The following ATE1 variants were observed in gnomAD, a reference collection of about 807,000 sequenced individuals.
ATE1 encodes the protein arginyl-tRNA--protein transferase 1.
In ATE1, 36 loss-of-function variants were observed where a neutral mutation model predicts 70.5. That is an observed-to-expected ratio of 0.51 (90% CI 0.39 to 0.67). The LOEUF (loss-of-function observed/expected upper bound fraction) is 0.67, where lower values mean the gene tolerates loss of function less well. Ranked by LOEUF, ATE1 falls within the 30% of genes least tolerant of loss-of-function variation. ATE1 has a pLI of 0.00. For missense variants in ATE1, 593 were observed against 629.5 expected (o/e 0.94, Z 0.62); for synonymous variants, 232 against 219.3 (o/e 1.06, Z -0.51).
intron 10 of ATE1, among the ~76,000 whole-genome samples, chr10:121,813,271 A>G (rs1947399260): frequency 6.6e-6 from 1 of 152,138 alleles, no homozygotes; most frequent in Non-Finnish European, 1.5e-5. Flanking sequence ...AAAGATCAAA[A>G]TCTATTCTGA....
chr10:121,872,419 A>T (rs1288532030), intron 7 of ATE1, among the ~76,000 whole-genome samples: 1 of 152,186 alleles, frequency 6.6e-6, no homozygotes, highest in Non-Finnish European at 1.5e-5. Context: ...CAGAATAACA[A>T]ATCACAAGAC....
chr10:121,910,599 C>T (rs1951382429), intron 5 of ATE1, among the ~76,000 whole-genome samples: 1 of 152,160 alleles, frequency 6.6e-6, no homozygotes. Context: ...ATGTTTATCA[C>T]TCCTTTTCAC....
At chr10:121,907,769 GAA>G (rs539648983) in intron 5 of ATE1, among the ~76,000 whole-genome samples, 2 of 138,428 alleles carry the variant, frequency 1.4e-5, no homozygotes, top group African/African-American at 2.6e-5. Context: ...ACTCCGTCTC[GAA>G]AAAAAAAAAA....
intron 3 of ATE1, among the ~76,000 whole-genome samples, chr10:121,914,452 A>G (rs964432588): frequency 6.6e-6 from 1 of 151,930 alleles, no homozygotes; most frequent in Non-Finnish European, 1.5e-5. Flanking sequence ...GAAAACAGAT[A>G]TACAAAGCAA....
intron 7 of ATE1, among the ~76,000 whole-genome samples, chr10:121,870,452 C>A (rs1049030307): frequency 1.3e-5 from 2 of 151,710 alleles, no homozygotes; most frequent in African/African-American, 4.8e-5. Flanking sequence ...ATGAGGAGAC[C>A]AACAAAAGGG....
intron 5 of ATE1, among the ~76,000 whole-genome samples, chr10:121,907,998 A>C (rs1951269620): frequency 6.6e-6 from 1 of 152,076 alleles, no homozygotes; most frequent in Non-Finnish European, 1.5e-5. Flanking sequence ...CAGGAGCATA[A>C]TATCATGCCA....
intron 4 of ATE1, among the ~76,000 whole-genome samples, chr10:121,911,891 C>T (rs1380142999): frequency 6.6e-6 from 1 of 152,118 alleles, no homozygotes; most frequent in African/African-American, 2.4e-5. Flanking sequence ...GGACCACAGG[C>T]GCCCACCACC....
chr10:121,884,991 T>C (rs1160090285), intron 7 of ATE1, among the ~76,000 whole-genome samples: 1 of 152,162 alleles, frequency 6.6e-6, no homozygotes, highest in African/African-American at 2.4e-5. Context: ...CCAGGCACAG[T>C]GGCTCATGCC....
chr10:121,927,869 C>T lies in ATE1; in HGVS notation c.81G>A (p.Lys27=), dbSNP rs750370177. Residue 27 remains lysine, a synonymous_variant, in exon 1 of 12, where the codon AAG becomes AAA. Transcript: ENST00000224652. ...SEDFYRCGYC[K]NESGSRSNGM... ...CATTGGAGCGGCTGCCCGACTCGTT[C>T]TTGCAGTAGCCGCAGCGGTAGAAGT... 2.7e-5 allele frequency: 42 copies of T among 1,584,130 alleles called. No individual in the cohort carries two copies. Among genetic ancestry groups the T allele is most frequent in the Non-Finnish European group, 3.6e-5 (42 of 1,168,364 alleles).
chr10:121,923,085 C>T (rs925226268), intron 2 of ATE1, among the ~76,000 whole-genome samples: 6 of 152,174 alleles, frequency 3.9e-5, no homozygotes, highest in Non-Finnish European at 5.9e-5. Flanking sequence ...TATGACCCCC[C>T]CTCAAATACC....
chr10:121,752,740 C>G (rs1944640854), intron 11 of ATE1, among the ~76,000 whole-genome samples: 1 of 152,192 alleles, frequency 6.6e-6, no homozygotes. Flanking sequence ...ACTCTCAACT[C>G]TAGTCCACAG....
At chr10:121,778,846 G>A (rs1455363125) in intron 11 of ATE1, among the ~76,000 whole-genome samples, 6 of 151,978 alleles carry the variant, frequency 3.9e-5, no homozygotes, top group East Asian at 1.9e-4. Flanking sequence ...CAAGTGATCC[G>A]CCTGCCTCTG....
At chr10:121,855,649 C>A (rs763414092) in intron 8 of ATE1, among the ~76,000 whole-genome samples, 36 of 152,112 alleles carry the variant, frequency 2.4e-4, no homozygotes, top group Non-Finnish European at 4.9e-4. Context: ...TGTTACAGCT[C>A]TTAAACAGAA....
intron 8 of ATE1, among the ~76,000 whole-genome samples, chr10:121,849,946 T>A (rs763821956): frequency 3.1e-4 from 47 of 152,138 alleles, no homozygotes; most frequent in Non-Finnish European, 7.3e-5. Flanking sequence ...TATGAACACA[T>A]CTGGTCATCC....
At position 121,742,171 on chromosome 10, in the gene ATE1, A is replaced by G. The variant is rs543932383; in HGVS notation, c.*1509T>C. On this transcript the variant is annotated 3_prime_UTR_variant, in exon 12 of 12. Transcript: ENST00000224652. ...CGCAGCACCTTGGCAGGTGTGACAC[A>G]CACACTCTGAATGAAGAAATGCGGC... The G allele has an allele frequency of 1.4e-4, 21 of 152,332 alleles. No homozygotes were observed. The highest frequency in any genetic ancestry group is 5.1e-4 in the African/African-American group (21 of 41,576). The allele number at this position is 152,332 out of a possible 1,614,324, so 9.4% of individuals were successfully genotyped here. A position where few individuals can be genotyped will look rare whatever the true frequency, so the allele number is the denominator to read the frequency against.
At chr10:121,764,923 G>T (rs1170018345) in intron 11 of ATE1, among the ~76,000 whole-genome samples, 2 of 152,170 alleles carry the variant, frequency 1.3e-5, no homozygotes, top group Admixed American at 6.5e-5. Flanking sequence ...TAAATATGAA[G>T]TGTCTGGCAT....
chr10:121,883,889 G>GA (rs568525245), intron 7 of ATE1, among the ~76,000 whole-genome samples: 267 of 151,902 alleles, frequency 1.8e-3, no homozygotes, highest in African/African-American at 5.7e-3. Flanking sequence ...TGGATCACTT[G>GA]AGGTCAGGAG....
At chr10:121,760,573 T>C (rs530353907) in intron 11 of ATE1, among the ~76,000 whole-genome samples, 4 of 152,332 alleles carry the variant, frequency 2.6e-5, no homozygotes, top group South Asian at 2.1e-4. Context: ...AATCTCATGA[T>C]AAAACTTGCA....
chr10:121,771,364 C>G (rs983700329), intron 11 of ATE1, among the ~76,000 whole-genome samples: 1 of 152,132 alleles, frequency 6.6e-6, no homozygotes, highest in Non-Finnish European at 1.5e-5. Context: ...CCACCGTGCC[C>G]GGCCTCTCTC....
Sources: gnomAD v4.1 joint callset for allele counts (sites outside exome capture counted in the v4.1 genomes callset) on GRCh38, gnomAD v4.1.1 for gene constraint, MANE v1.5 for transcripts, NCBI Gene and HGNC (gene_info 2026-07-23, HGNC 2026-07-21) for gene names.